Variants in CRTAC1 observed in about 807,000 individuals in gnomAD.
CRTAC1 encodes cartilage acidic protein 1.
Under a neutral mutation model 67.8 loss-of-function variants are expected in CRTAC1, and 37 were observed. The ratio of observed to expected loss-of-function variants is 0.55; its 90% CI spans 0.42 to 0.72. The LOEUF is 0.72. Among genes scored for constraint, CRTAC1 ranks in the 30% least tolerant of loss-of-function variants. The pLI is 0.00. For synonymous variants in CRTAC1, 348 were observed against 371.0 expected (o/e 0.94, Z 0.71); for missense variants, 780 against 931.6 (o/e 0.84, Z 2.12).
Position 97,895,504 on chromosome 10 carries a change from GAGA to G in CRTAC1, c.1318-94_1318-92del. The G allele has an allele frequency of 8.7e-7, 1 of 1,149,026 alleles. No individual in the cohort carries two copies. Among genetic ancestry groups the G allele is most frequent in the Non-Finnish European group, 1.2e-6 (1 of 814,266 alleles). The allele number at this position is 1,149,026 out of a possible 1,614,324, so 71.2% of individuals were successfully genotyped here. A position where few individuals can be genotyped will look rare whatever the true frequency, so the allele number is the denominator to read the frequency against. On this transcript the variant is annotated intron_variant, in intron 10 of 14. Transcript: ENST00000370597. The surrounding 1 kb of genome is among the most constrained non-coding windows in gnomAD (Gnocchi z 4.2). ...CCAGGGAGGACGGGAGGGGGAGAGG[GAGA>G]AGAAGGAGGAAGAGAAGAAAGCAGG...
chr10:98,019,204 T>C (rs1313166712), intron 1 of CRTAC1, among the ~76,000 whole-genome samples: 1 of 152,082 alleles, frequency 6.6e-6, no homozygotes, highest in Non-Finnish European at 1.5e-5. Context: ...GAGCCGACTT[T>C]GCAAAGGTCA....
chr10:97,962,484 T>G, intron 2 of CRTAC1, among the ~76,000 whole-genome samples: 1 of 152,212 alleles, frequency 6.6e-6, no homozygotes, highest in Non-Finnish European at 1.5e-5. Context: ...AGGCTACTGA[T>G]TGTTGTTTGT....
Position 98,030,574 on chromosome 10 carries a change from G to C in CRTAC1, c.-102C>G. ...CCTGCTTGCTCCCAGCCCCGGTCCC[G>C]GGCTGGCCTCGAGCCTCCCGCCCCG... is the stretch of plus-strand genomic sequence containing the variant. On this transcript the variant is annotated 5_prime_UTR_variant, in exon 1 of 15. Coordinates refer to ENST00000370597, the MANE Select transcript of CRTAC1 (RefSeq NM_018058.7). The surrounding 1 kb of genome is among the most constrained non-coding windows in gnomAD (Gnocchi z 4.2). 1.2e-6 allele frequency: 1 copy of C among 840,594 alleles called. No homozygotes were observed. The highest frequency in any genetic ancestry group is 1.6e-6 in the Non-Finnish European group (1 of 628,190). 52.1% of individuals were successfully genotyped at this position (840,594 alleles called of 1,614,324 possible).
At chr10:98,006,616 C>G (rs181401638) in intron 2 of CRTAC1, among the ~76,000 whole-genome samples, 1 of 152,178 alleles carries the variant, frequency 6.6e-6, no homozygotes, top group East Asian at 1.9e-4. Flanking sequence ...ACGAGGACAC[C>G]GAAAAAGCAA....
intron 2 of CRTAC1, among the ~76,000 whole-genome samples, chr10:97,947,050 T>C (rs1203323854): frequency 6.6e-6 from 1 of 152,024 alleles, no homozygotes; most frequent in East Asian, 1.9e-4. Context: ...CAGAAGCTTC[T>C]AGCTAAAAAG....
In CRTAC1 at chr10:97,975,411, G is replaced by A. The variant is rs1048738897; in HGVS notation, c.224+35727C>T. On this transcript the variant is annotated intron_variant, in intron 2 of 14. Transcript: ENST00000370597. This position sits in a 1 kb window ranked among gnomAD's most constrained non-coding sequence, Gnocchi z 4.8. Reference sequence around the variant, plus strand: ...TGCACAGAGATGCTGGCTGCATGGGGCGTGGAGGGGCGGGATGGGGAGCCG... The same window carrying A: ...TGCACAGAGATGCTGGCTGCATGGGACGTGGAGGGGCGGGATGGGGAGCCG... 6.6e-6 allele frequency among the ~76,000 whole-genome samples: 1 copy of A among 152,046 alleles called. No individual in the cohort carries two copies. The highest frequency in any genetic ancestry group is 1.5e-5 in the Non-Finnish European group (1 of 68,000).
intron 2 of CRTAC1, among the ~76,000 whole-genome samples, chr10:97,968,800 G>A (rs998690296): frequency 9.2e-5 from 14 of 152,182 alleles, no homozygotes; most frequent in African/African-American, 1.4e-4. Context: ...CACCTCTTGC[G>A]GAAGGAATAG....
rs542251845 is a variant in CRTAC1 at position 97,999,318 on chromosome 10, A to C, written c.224+11820T>G. ...AAGGCCCCCTTGCCCTCACAGGCTCAGAAGTGCCTGCCCCTGAGACCTGGC... is the reference window on the plus strand; with the variant it reads ...AAGGCCCCCTTGCCCTCACAGGCTCCGAAGTGCCTGCCCCTGAGACCTGGC... On this transcript the variant is annotated intron_variant, in intron 2 of 14. Transcript: ENST00000370597. Among the ~76,000 whole-genome samples the C allele has an allele frequency of 2.3e-3, 354 of 152,372 alleles. 1 individual carries two copies. The highest frequency in any genetic ancestry group is 3.8e-3 in the Non-Finnish European group (261 of 68,028).
chr10:98,010,488 C>G (rs1367191708), intron 2 of CRTAC1, among the ~76,000 whole-genome samples: 1 of 152,150 alleles, frequency 6.6e-6, no homozygotes, highest in African/African-American at 2.4e-5. Flanking sequence ...GAGTAAGAGA[C>G]TCAAGGACAT....
At chr10:97,933,691 C>T (rs2051037507) in intron 3 of CRTAC1, among the ~76,000 whole-genome samples, 2 of 152,220 alleles carry the variant, frequency 1.3e-5, no homozygotes, top group Non-Finnish European at 2.9e-5. Context: ...GTTTTGTTCA[C>T]TGAAGCATCC....
chr10:97,936,627 A>G (rs60635125), intron 2 of CRTAC1, among the ~76,000 whole-genome samples: 1,937 of 152,346 alleles, frequency 0.013, 48 homozygotes, highest in African/African-American at 0.043. Flanking sequence ...AGGGTGGCAG[A>G]GGGGAGTGGG....
At chr10:97,969,211 T>TTCA (rs1304382312) in intron 2 of CRTAC1, among the ~76,000 whole-genome samples, 4 of 152,178 alleles carry the variant, frequency 2.6e-5, no homozygotes. Context: ...CAAGAGTGTA[T>TTCA]TCACCCTTGA....
intron 3 of CRTAC1, among the ~76,000 whole-genome samples, chr10:97,928,301 G>A (rs1356001461): frequency 1.3e-5 from 2 of 152,190 alleles, no homozygotes; most frequent in East Asian, 3.9e-4. Flanking sequence ...CCTGCAGGGG[G>A]CCAGGTGCTA....
At chr10:97,929,049 C>T (rs1207063744) in intron 3 of CRTAC1, among the ~76,000 whole-genome samples, 3 of 151,802 alleles carry the variant, frequency 2.0e-5, no homozygotes, top group Admixed American at 6.6e-5. Flanking sequence ...GAAGAAGCAC[C>T]GGTGCAGGAG....
At chr10:97,967,041 C>A (rs1434113229) in intron 2 of CRTAC1, among the ~76,000 whole-genome samples, 2 of 145,222 alleles carry the variant, frequency 1.4e-5, no homozygotes, top group Admixed American at 1.4e-4. Context: ...AGTCACTATG[C>A]GGCACCTACG....
chr10:98,017,559 G>A (rs575954549), intron 1 of CRTAC1, among the ~76,000 whole-genome samples: 2 of 152,036 alleles, frequency 1.3e-5, no homozygotes, highest in African/African-American at 4.8e-5. Context: ...TTTGAGATAG[G>A]GTCTCACTCT....
At chr10:97,974,690 G>A (rs932010038) in intron 2 of CRTAC1, among the ~76,000 whole-genome samples, 2 of 152,086 alleles carry the variant, frequency 1.3e-5, no homozygotes, top group East Asian at 3.9e-4. Context: ...CTGCCCCTCC[G>A]CTCGGGGTCA....
At chr10:97,868,855 A>C (rs189615509) in intron 14 of CRTAC1, 5 of 152,266 alleles carry the variant, frequency 3.3e-5, no homozygotes, top group Admixed American at 2.6e-4. Context: ...TGGTAATCAT[A>C]ATAATAATAG....
At chr10:97,957,774 C>T (rs2051462322) in intron 2 of CRTAC1, among the ~76,000 whole-genome samples, 1 of 152,164 alleles carries the variant, frequency 6.6e-6, no homozygotes, top group Non-Finnish European at 1.5e-5. Context: ...ATGGACCCTC[C>T]ATCCCCAGGA....
Sources: gnomAD v4.1 joint callset for allele counts (sites outside exome capture counted in the v4.1 genomes callset) on GRCh38, gnomAD v4.1.1 for gene constraint, Gnocchi (gnomAD v3.1) non-coding constraint, MANE v1.5 for transcripts, NCBI Gene and HGNC (gene_info 2026-07-23, HGNC 2026-07-21) for gene names.